DYRK1A: variants seen among roughly 807,000 people sequenced by gnomAD.
The protein encoded by DYRK1A is dual specificity tyrosine phosphorylation regulated kinase 1A, also known as dual specificity tyrosine-phosphorylation-regulated kinase 1A.
A neutral mutation model predicts 79.7 loss-of-function variants in DYRK1A; 9 were observed. The observed-to-expected ratio is 0.11, with a 90% CI of 0.07 to 0.20. DYRK1A has a LOEUF of 0.20. Ranked by LOEUF, DYRK1A falls within the 10% of genes least tolerant of loss-of-function variation. The probability of loss-of-function intolerance (pLI) is 1.00; values close to 1 mark genes in which losing one functional copy is unlikely to be tolerated. For missense variants in DYRK1A, 622 were observed against 956.0 expected, an observed-to-expected ratio of 0.65 and a Z score of 4.61; for synonymous variants, 349 against 329.7, an observed-to-expected ratio of 1.06 and a Z score of -0.63.
Position 37,515,047 on chromosome 21 carries a change from A to G in DYRK1A, c.*2516A>G, listed in dbSNP as rs2053860591. The stretch of plus-strand genomic sequence containing the variant: ...ATAAACAGCATGGAAAAGGTTAAAT[A>G]CCTGTGTTCAGATTGTAAGATCTAG... On this transcript the variant is annotated 3_prime_UTR_variant, in exon 12 of 12. Transcript: ENST00000647188. 6.6e-6 allele frequency: 1 copy of G among 152,624 alleles called. No homozygotes were observed. Among genetic ancestry groups the G allele is most frequent in the Admixed American group, 6.5e-5 (1 of 15,280 alleles). The allele number at this position is 152,624 out of a possible 1,614,324, so 9.5% of individuals were successfully genotyped here.
intron 6 of DYRK1A, chr21:37,488,763 A>G: frequency 3.0e-6 from 3 of 985,406 alleles, no homozygotes; most frequent in Non-Finnish European, 3.6e-6. Flanking sequence ...AGGAATTTTT[A>G]TAATCACATT....
At chr21:37,413,972 A>G (rs2050289233) in intron 1 of DYRK1A, among the ~76,000 whole-genome samples, 1 of 152,148 alleles carries the variant, frequency 6.6e-6, no homozygotes, top group Non-Finnish European at 1.5e-5. Flanking sequence ...CATACCCTCA[A>G]TAGGTGTTTG....
chr21:37,368,032 G>T (rs75230080), intron 1 of DYRK1A: 1,696 of 153,292 alleles, frequency 0.011, 32 homozygotes, highest in East Asian at 0.08. Context: ...TGTGGGAACC[G>T]CCGGGGTGAT....
rs10590534 is a variant in DYRK1A, at chr21:37,519,736, G to GTTTTTTTTTTTTTTTTTT, written c.*7211_*7228dup. 2 of 85,796 alleles carry GTTTTTTTTTTTTTTTTTT rather than the reference G, an allele frequency of 2.3e-5. No individual in the cohort carries two copies. The highest frequency in any genetic ancestry group is 9.7e-5 in the African/African-American group (2 of 20,574). 5.3% of individuals were successfully genotyped at this position (85,796 alleles called of 1,614,324 possible). A position where few individuals can be genotyped will look rare whatever the true frequency, so the allele number is the denominator to read the frequency against. On this transcript the variant is annotated 3_prime_UTR_variant, in exon 12 of 12. Coordinates refer to ENST00000647188, the MANE Select transcript of DYRK1A (RefSeq NM_001347721.2). Reference sequence around the variant, plus strand: ...AGAGTTTTGAGGTTTGTTGTGGGAAGTTTTTTTTTTTTTTTTTTTTTTTGA... The same window carrying GTTTTTTTTTTTTTTTTTT: ...AGAGTTTTGAGGTTTGTTGTGGGAAGTTTTTTTTTTTTTTTTTTTTTTTTTTTTTTTTTTTTTTTTTGA...
chr21:37,517,885 T>G lies in DYRK1A; in HGVS notation c.*5354T>G, dbSNP rs959386576. 1.3e-4 allele frequency: 20 copies of G among 152,322 alleles called. No homozygotes were observed. Among genetic ancestry groups the G allele is most frequent in the African/African-American group, 4.3e-4 (18 of 41,568 alleles). The allele number at this position is 152,322 out of a possible 1,614,324, so 9.4% of individuals were successfully genotyped here. Reference sequence around the variant, plus strand: ...TCTAGTGGCATGAAACGGCTAAGTTTTTTTTAATGTTACTTCTTTAATTTT... The same window carrying G: ...TCTAGTGGCATGAAACGGCTAAGTTGTTTTTAATGTTACTTCTTTAATTTT... On this transcript the variant is annotated 3_prime_UTR_variant, in exon 12 of 12. Transcript: ENST00000647188.
chr21:37,455,670 G>A (rs368496491), intron 2 of DYRK1A, among the ~76,000 whole-genome samples: 2 of 152,018 alleles, frequency 1.3e-5, no homozygotes, highest in African/African-American at 2.4e-5. Context: ...GGCTCTCACC[G>A]TCCCGTGCTT....
intron 8 of DYRK1A, 99 bp from the exon 9 acceptor site, chr21:37,496,019 A>G (rs753062906): frequency 1.6e-5 from 19 of 1,195,498 alleles, no homozygotes; most frequent in African/African-American, 3.1e-5. Context: ...TGCCAGACAC[A>G]CAGGAGGTGT....
intron 4 of DYRK1A, among the ~76,000 whole-genome samples, chr21:37,480,031 T>C (rs1280441637): frequency 2.0e-5 from 3 of 152,220 alleles, no homozygotes; most frequent in Non-Finnish European, 4.4e-5. Flanking sequence ...TTAATCGTTA[T>C]ATTTTTATAG....
At chr21:37,382,117 C>G (rs564495388) in intron 1 of DYRK1A, among the ~76,000 whole-genome samples, 126 of 151,856 alleles carry the variant, frequency 8.3e-4, no homozygotes, top group Middle Eastern at 3.4e-3. Context: ...TCCTGCAGGT[C>G]TCTTTGTGCC....
At chr21:37,405,157 AGAT>A (rs1354385993) in intron 1 of DYRK1A, among the ~76,000 whole-genome samples, 1 of 152,108 alleles carries the variant, frequency 6.6e-6, no homozygotes, top group Non-Finnish European at 1.5e-5. Flanking sequence ...CTTTGGGTGA[AGAT>A]GAGGCCCACT....
chr21:37,500,737 G>A (rs1296303423), intron 9 of DYRK1A, among the ~76,000 whole-genome samples: 1 of 151,820 alleles, frequency 6.6e-6, no homozygotes, highest in African/African-American at 2.4e-5. Context: ...TGTTGAATTT[G>A]TTGGCGTAAA....
chr21:37,448,655 A>G (rs773907239), intron 2 of DYRK1A, among the ~76,000 whole-genome samples: 32 of 152,270 alleles, frequency 2.1e-4, no homozygotes, highest in South Asian at 6.2e-4. Flanking sequence ...ATATTGAGCA[A>G]AGGAGGGAAA....
chr21:37,471,997 C>T (rs2052241500), intron 2 of DYRK1A, among the ~76,000 whole-genome samples: 1 of 152,162 alleles, frequency 6.6e-6, no homozygotes, highest in Non-Finnish European at 1.5e-5. Context: ...TTCATTTCCA[C>T]CATGGATATC....
chr21:37,383,784 T>A (rs908102019), intron 1 of DYRK1A, among the ~76,000 whole-genome samples: 1 of 151,708 alleles, frequency 6.6e-6, no homozygotes, highest in African/African-American at 2.4e-5. Context: ...TTACAAAAAG[T>A]GATAAATGCC....
intron 2 of DYRK1A, among the ~76,000 whole-genome samples, chr21:37,445,563 C>T (rs1377070630): frequency 5.3e-5 from 8 of 152,098 alleles, no homozygotes; most frequent in African/African-American, 1.9e-4. Context: ...CTGGGAAGAT[C>T]AGGGATAGTC....
At chr21:37,494,599 C>G (rs537290023) in intron 8 of DYRK1A, among the ~76,000 whole-genome samples, 2 of 152,178 alleles carry the variant, frequency 1.3e-5, no homozygotes, top group South Asian at 4.2e-4. Flanking sequence ...GGTTGCAGTA[C>G]CCCTTCTCCT....
At chr21:37,473,827 G>C (rs2052309128) in intron 3 of DYRK1A, among the ~76,000 whole-genome samples, 1 of 152,170 alleles carries the variant, frequency 6.6e-6, no homozygotes, top group African/African-American at 2.4e-5. Flanking sequence ...AATTTGGCAG[G>C]ACTTAAGATT....
At chr21:37,454,411 A>T (rs1401736747) in intron 2 of DYRK1A, among the ~76,000 whole-genome samples, 1 of 152,042 alleles carries the variant, frequency 6.6e-6, no homozygotes, top group African/African-American at 2.4e-5. Flanking sequence ...TTTGAGTAAC[A>T]AAGTCTTATT....
chr21:37,506,546 C>T (rs898732133), intron 11 of DYRK1A, among the ~76,000 whole-genome samples: 1 of 152,188 alleles, frequency 6.6e-6, no homozygotes, highest in Non-Finnish European at 1.5e-5. Context: ...ACTGAGACTT[C>T]ATGGGCTAAG....
Sources: gnomAD v4.1 joint callset for allele counts (sites outside exome capture counted in the v4.1 genomes callset) on GRCh38, gnomAD v4.1.1 for gene constraint, MANE v1.5 for transcripts, NCBI Gene and HGNC (gene_info 2026-07-23, HGNC 2026-07-21) for gene names.